Variants in ZMYM2 observed in about 807,000 individuals in gnomAD.
ZMYM2 encodes the protein zinc finger MYM-type protein 2.
In ZMYM2, 56 loss-of-function variants were observed where a neutral mutation model predicts 162.8. That is an observed-to-expected ratio of 0.34 (90% CI 0.28 to 0.43). The LOEUF is 0.43. ZMYM2 is among the 20% of genes least tolerant of loss of function. The probability of loss-of-function intolerance (pLI) is 1.00; values close to 1 mark genes in which losing one functional copy is unlikely to be tolerated. For missense variants in ZMYM2, 1,275 were observed against 1,621.8 expected, an observed-to-expected ratio of 0.79 and a Z score of 3.67; for synonymous variants, 510 against 541.6, an observed-to-expected ratio of 0.94 and a Z score of 0.81.
intron 2 of ZMYM2, among the ~76,000 whole-genome samples, chr13:19,992,024 T>C (rs2139714845): frequency 6.6e-6 from 1 of 152,264 alleles, no homozygotes; most frequent in African/African-American, 2.4e-5. Flanking sequence ...ATTAATCATA[T>C]CTGCAAAGTC....
intron 3 of ZMYM2, among the ~76,000 whole-genome samples, chr13:20,000,179 C>T (rs1594276406): frequency 1.3e-5 from 2 of 152,040 alleles, no homozygotes; most frequent in East Asian, 3.8e-4. Flanking sequence ...TTTCCTTAAG[C>T]CAAAGCTTAA....
chr13:19,933,216 G>C, the ZMYM2 span, among the ~76,000 whole-genome samples: 15 of 152,270 alleles, frequency 9.9e-5, no homozygotes, highest in African/African-American at 3.4e-4. Flanking sequence ...CCTCCAAAGT[G>C]CTGGGATTAC....
intron 12 of ZMYM2, among the ~76,000 whole-genome samples, chr13:20,046,653 ATATG>A (rs1182658847): frequency 7.0e-6 from 1 of 143,066 alleles, no homozygotes; most frequent in East Asian, 2.0e-4. Flanking sequence ...GTACATATGT[ATATG>A]TGTGTATATA....
At chr13:20,057,879 C>T (rs1449358645) in intron 14 of ZMYM2, among the ~76,000 whole-genome samples, 1 of 152,126 alleles carries the variant, frequency 6.6e-6, no homozygotes. Context: ...ACATTTTCTC[C>T]GTATCAATAG....
At chr13:20,042,838 C>T (rs560680602) in intron 12 of ZMYM2, among the ~76,000 whole-genome samples, 1 of 152,234 alleles carries the variant, frequency 6.6e-6, no homozygotes, top group South Asian at 2.1e-4. Context: ...ATTGTCCTGC[C>T]TCAGCTTCCT....
intron 2 of ZMYM2, among the ~76,000 whole-genome samples, chr13:19,990,811 C>T (rs1035538135): frequency 6.6e-6 from 1 of 152,072 alleles, no homozygotes; most frequent in Non-Finnish European, 1.5e-5. Context: ...AAAATTAGGC[C>T]AAACCACTGT....
chr13:19,957,948 A>G (rs1566144696), upstream of ZMYM2, among the ~76,000 whole-genome samples: 1 of 152,220 alleles, frequency 6.6e-6, no homozygotes, highest in Non-Finnish European at 1.5e-5. Context: ...GCCGAATGGC[A>G]GAGTCCAGTT....
intron 12 of ZMYM2, among the ~76,000 whole-genome samples, chr13:20,050,947 T>C (rs547762317): frequency 3.9e-5 from 6 of 152,180 alleles, no homozygotes; most frequent in African/African-American, 1.4e-4. Flanking sequence ...TTCAAATTTA[T>C]ATTAAACTGT....
Position 20,087,459 on chromosome 13 carries a change from A to G in ZMYM2, c.*1445A>G, listed in dbSNP as rs1958341493. ...GTTTTCTTCTGATTCCTGAATGACCATGGTAGCATTAGTGTTTAGAAATTG... is the reference window on the plus strand; with the variant it reads ...GTTTTCTTCTGATTCCTGAATGACCGTGGTAGCATTAGTGTTTAGAAATTG... On this transcript the variant is annotated 3_prime_UTR_variant, in exon 25 of 25. Coordinates refer to ENST00000610343, the MANE Select transcript of ZMYM2 (RefSeq NM_197968.4). The G allele has an allele frequency of 5.3e-6, 1 of 188,558 alleles. No individual in the cohort carries two copies. Among genetic ancestry groups the G allele is most frequent in the African/African-American group, 2.3e-5 (1 of 42,818 alleles). The allele number at this position is 188,558 out of a possible 1,614,324, so 11.7% of individuals were successfully genotyped here. A position where few individuals can be genotyped will look rare whatever the true frequency, so the allele number is the denominator to read the frequency against.
chr13:19,990,145 TTTAG>T (rs1949491279), intron 2 of ZMYM2, among the ~76,000 whole-genome samples: 1 of 152,234 alleles, frequency 6.6e-6, no homozygotes, highest in South Asian at 2.1e-4. Flanking sequence ...AACTTTCACC[TTTAG>T]TTAGAATTAA....
the ZMYM2 span, among the ~76,000 whole-genome samples, chr13:19,870,595 C>CCTTTCTTT: frequency 2.0e-4 from 28 of 142,818 alleles, 1 homozygote; most frequent in African/African-American, 7.3e-4. Flanking sequence ...TTCCTTCCTT[C>CCTTTCTTT]CTTTCTTTCT....
chr13:19,991,339 C>T (rs1293697054), intron 2 of ZMYM2, among the ~76,000 whole-genome samples: 1 of 151,746 alleles, frequency 6.6e-6, no homozygotes. Flanking sequence ...AGGCTGGTCT[C>T]GAACTCCTGG....
At chr13:19,920,338 A>G in the ZMYM2 span, among the ~76,000 whole-genome samples, 1 of 152,162 alleles carries the variant, frequency 6.6e-6, no homozygotes, top group Non-Finnish European at 1.5e-5. Context: ...GCTCTAAGGC[A>G]GTACAGAAAC....
At chr13:19,903,483 CAAAAAAA>C in the ZMYM2 span, among the ~76,000 whole-genome samples, 31 of 83,720 alleles carry the variant, frequency 3.7e-4, no homozygotes, top group African/African-American at 1.2e-3. Flanking sequence ...ACTAAAAATA[CAAAAAAA>C]AAAAAAAAAA....
the ZMYM2 span, among the ~76,000 whole-genome samples, chr13:19,885,907 A>ATGTATATACACATATATG: frequency 3.3e-5 from 1 of 30,260 alleles, no homozygotes; most frequent in Non-Finnish European, 8.5e-5. Flanking sequence ...ACACATATAT[A>ATGTATATACACATATATG]TGTATATACA....
At chr13:19,900,472 C>G in the ZMYM2 span, among the ~76,000 whole-genome samples, 1 of 152,044 alleles carries the variant, frequency 6.6e-6, no homozygotes, top group Non-Finnish European at 1.5e-5. Context: ...AAGCCTAGTA[C>G]TAGATGGGTT....
At chr13:19,893,546 G>A in the ZMYM2 span, among the ~76,000 whole-genome samples, 10 of 151,860 alleles carry the variant, frequency 6.6e-5, no homozygotes, top group South Asian at 2.1e-4. Context: ...GAAATCAGCC[G>A]GGCCAGCATA....
intron 21 of ZMYM2, among the ~76,000 whole-genome samples, chr13:20,074,998 T>C (rs75584589): frequency 1.3e-5 from 2 of 152,246 alleles, no homozygotes; most frequent in African/African-American, 2.4e-5. Flanking sequence ...ATTTTTATTA[T>C]TGGATACATT....
rs558181951 is a variant in ZMYM2, at chr13:20,035,456, A to G, written c.2119+1052A>G. Reference sequence around the variant, plus strand: ...AGTAAAGCTATAATGAAAAATGACAAATCTTACAATGTTTCATTGAAAAGA... The same window carrying G: ...AGTAAAGCTATAATGAAAAATGACAGATCTTACAATGTTTCATTGAAAAGA... On this transcript the variant is annotated intron_variant, in intron 11 of 24. Transcript: ENST00000610343. Among the ~76,000 whole-genome samples, 19 of 152,280 alleles carry G rather than the reference A, an allele frequency of 1.2e-4. No individual in the cohort carries two copies. The South Asian group carries it at 3.5e-3, about 28-fold the overall frequency.
Sources: allele counts gnomAD v4.1 joint callset (sites outside exome capture counted in the v4.1 genomes callset), GRCh38; gene constraint gnomAD v4.1.1; transcripts MANE v1.5; gene names NCBI Gene and HGNC (gene_info 2026-07-23, HGNC 2026-07-21).